The following NBAS variants were observed in gnomAD, a reference collection of about 807,000 sequenced individuals.
The protein encoded by NBAS is NBAS subunit of NRZ tethering complex.
In NBAS, 219 loss-of-function variants were observed where a neutral mutation model predicts 302.5. The observed-to-expected ratio is 0.72, with a 90% CI of 0.65 to 0.81. The LOEUF (loss-of-function observed/expected upper bound fraction) is 0.81. Ranked by LOEUF, NBAS falls within the 30% of genes least tolerant of loss-of-function variation. NBAS has a pLI of 0.00. For missense variants in NBAS, 2,932 were observed against 2,841.6 expected (o/e 1.03, Z -0.72); for synonymous variants, 1,118 against 1,021.6 (o/e 1.09, Z -1.80).
Position 15,330,850 on chromosome 2 carries a change from G to A in NBAS, c.4180-85C>T, listed in dbSNP as rs1572669826. The A allele has an allele frequency of 5.0e-6, 7 of 1,394,432 alleles. No homozygotes were observed. The South Asian group carries it at 9.1e-5, about 18-fold the overall frequency. The allele number at this position is 1,394,432 out of a possible 1,614,324, so 86.4% of individuals were successfully genotyped here. Reference sequence around the variant, plus strand: ...CAGTGATAATGTGACTGCTTAAAATGATCAGATATTAAACTTGAAGACAGA... The same window carrying A: ...CAGTGATAATGTGACTGCTTAAAATAATCAGATATTAAACTTGAAGACAGA... On this transcript the variant is annotated intron_variant, in intron 35 of 51. Coordinates refer to ENST00000281513, the MANE Select transcript of NBAS (RefSeq NM_015909.4).
intron 42 of NBAS, among the ~76,000 whole-genome samples, chr2:15,284,556 T>G (rs976705186): frequency 6.6e-5 from 10 of 152,198 alleles, no homozygotes; most frequent in African/African-American, 2.2e-4. Flanking sequence ...TGAAGGGGAA[T>G]GTACAATTAT....
At chr2:15,465,106 T>C (rs1380322869) in intron 19 of NBAS, among the ~76,000 whole-genome samples, 1 of 152,206 alleles carries the variant, frequency 6.6e-6, no homozygotes, top group East Asian at 1.9e-4. Context: ...CTCAAAAAAA[T>C]GTGTTGGTAT....
At chr2:15,286,954 T>C in intron 42 of NBAS, 119 bp downstream of exon 42, 1 of 755,568 alleles carries the variant, frequency 1.3e-6, no homozygotes, top group Non-Finnish European at 2.3e-6. Context: ...ACCAAGACAC[T>C]AGTCCACTGT....
intron 10 of NBAS, among the ~76,000 whole-genome samples, chr2:15,504,540 G>C (rs962498363): frequency 5.3e-5 from 8 of 152,036 alleles, no homozygotes; most frequent in Non-Finnish European, 7.4e-5. Context: ...CCTAACATCA[G>C]TATAGAAAAA....
chr2:15,370,013 T>C (rs1674407772), intron 31 of NBAS, among the ~76,000 whole-genome samples: 1 of 152,212 alleles, frequency 6.6e-6, no homozygotes, highest in Admixed American at 6.5e-5. Context: ...CTGAACCGTG[T>C]GGGCAAGGAA....
At chr2:15,166,381 C>T (rs1664020775), downstream of NBAS, among the ~76,000 whole-genome samples, 1 of 152,092 alleles carries the variant, frequency 6.6e-6, no homozygotes, top group Non-Finnish European at 1.5e-5. Flanking sequence ...TCTAATCAGA[C>T]AGCAATCATG....
chr2:15,184,990 G>A (rs1002299030), intron 50 of NBAS, among the ~76,000 whole-genome samples: 1 of 152,120 alleles, frequency 6.6e-6, no homozygotes, highest in African/African-American at 2.4e-5. Flanking sequence ...CTTGAAGGAA[G>A]TATTGAAAAA....
chr2:14,902,840 A>G, the NBAS span, among the ~76,000 whole-genome samples: 40 of 152,342 alleles, frequency 2.6e-4, no homozygotes, highest in African/African-American at 9.6e-4. Flanking sequence ...AGGGGTTCCA[A>G]CAAAATCCAC....
chr2:15,279,119 G>A (rs1221612625), intron 42 of NBAS, among the ~76,000 whole-genome samples: 1 of 152,108 alleles, frequency 6.6e-6, no homozygotes, highest in East Asian at 1.9e-4. Flanking sequence ...AAGTAAATAA[G>A]AAACTGTGTA....
At chr2:15,483,309 C>A in intron 12 of NBAS, 1 of 417,148 alleles carries the variant, frequency 2.4e-6, no homozygotes, top group Admixed American at 3.0e-5. Context: ...CAAGATTCAT[C>A]GCATCAACTG....
At chr2:15,125,924 AT>A in the NBAS span, among the ~76,000 whole-genome samples, 1 of 152,110 alleles carries the variant, frequency 6.6e-6, no homozygotes, top group Non-Finnish European at 1.5e-5. Context: ...TTGAGAAGGG[AT>A]GATTGTATTT....
the NBAS span, among the ~76,000 whole-genome samples, chr2:15,052,925 A>T: frequency 6.6e-6 from 1 of 152,360 alleles, no homozygotes; most frequent in East Asian, 1.9e-4. Flanking sequence ...TTAATTTAAA[A>T]TTCTGAAGGG....
At chr2:15,310,291 C>T (rs1196886603) in intron 38 of NBAS, among the ~76,000 whole-genome samples, 2 of 152,198 alleles carry the variant, frequency 1.3e-5, no homozygotes, top group African/African-American at 2.4e-5. Context: ...AGAAAACCTA[C>T]TGTGTCTTCC....
rs1430105519 is a variant in NBAS, at chr2:15,541,809, G to T, written c.380-2453C>A. ...GCCCCGTCCGGGAGGGAGGTGGGGG[G>T]GTTCAGCCCCCCGCCCGGCCAGCCG... is the stretch of plus-strand genomic sequence containing the variant. On this transcript the variant is annotated intron_variant, in intron 6 of 51. Coordinates refer to ENST00000281513, the MANE Select transcript of NBAS (RefSeq NM_015909.4). Among the ~76,000 whole-genome samples, 55 of 80,746 alleles carry T rather than the reference G, an allele frequency of 6.8e-4. 3 individuals carry two copies. Among genetic ancestry groups the T allele is most frequent in the Non-Finnish European group, 1.4e-3 (47 of 33,916 alleles). 53.0% of individuals were successfully genotyped at this position (80,746 alleles called of 152,430 possible). A position where few individuals can be genotyped will look rare whatever the true frequency, so the allele number is the denominator to read the frequency against.
chr2:15,132,124 A>G, the NBAS span, among the ~76,000 whole-genome samples: 1 of 152,236 alleles, frequency 6.6e-6, no homozygotes, highest in African/African-American at 2.4e-5. Flanking sequence ...AAACCTGCAC[A>G]TGAATGTTTA....
the NBAS span, among the ~76,000 whole-genome samples, chr2:14,950,312 A>T: frequency 7.2e-5 from 11 of 152,132 alleles, no homozygotes; most frequent in African/African-American, 2.7e-4. Context: ...ATAGTCTCCA[A>T]TCTCATCCAG....
chr2:14,908,147 A>G, the NBAS span, among the ~76,000 whole-genome samples: 1 of 152,192 alleles, frequency 6.6e-6, no homozygotes, highest in Admixed American at 6.5e-5. Context: ...GCGGATCACA[A>G]GGTCAGGAGA....
chr2:14,882,485 G>C, the NBAS span, among the ~76,000 whole-genome samples: 1 of 152,162 alleles, frequency 6.6e-6, no homozygotes, highest in East Asian at 1.9e-4. Flanking sequence ...CTTTTCTAGG[G>C]TTCCACCCTT....
intron 11 of NBAS, among the ~76,000 whole-genome samples, chr2:15,492,373 G>T (rs540189364): frequency 8.7e-4 from 133 of 152,294 alleles, no homozygotes; most frequent in Middle Eastern, 3.4e-3. Flanking sequence ...AGCCACTCAA[G>T]ATTCTCAAGA....
Sources: gnomAD v4.1 joint callset for allele counts (sites outside exome capture counted in the v4.1 genomes callset) on GRCh38, gnomAD v4.1.1 for gene constraint, MANE v1.5 for transcripts, NCBI Gene and HGNC (gene_info 2026-07-23, HGNC 2026-07-21) for gene names.